PTPN13: variants seen among roughly 807,000 people sequenced by gnomAD.
The protein encoded by PTPN13 is tyrosine-protein phosphatase non-receptor type 13.
A neutral mutation model predicts 284.0 loss-of-function variants in PTPN13; 191 were observed. That is an observed-to-expected ratio of 0.67 (90% confidence interval 0.60 to 0.76). The LOEUF is 0.76. Among genes scored for constraint, PTPN13 ranks in the 30% least tolerant of loss-of-function variants. The probability of loss-of-function intolerance (pLI) is 0.00; values close to 1 mark genes in which losing one functional copy is unlikely to be tolerated. For missense variants in PTPN13, 2,797 were observed against 2,939.9 expected (o/e 0.95, Z 1.12); for synonymous variants, 986 against 1,022.3 (o/e 0.96, Z 0.68).
intron 36 of PTPN13, among the ~76,000 whole-genome samples, chr4:86,781,241 T>G (rs1741264558): frequency 6.6e-6 from 1 of 152,192 alleles, no homozygotes; most frequent in African/African-American, 2.4e-5. Context: ...GGTTCTTAAA[T>G]GTATTTACCT....
At chr4:86,658,954 C>G (rs944858546) in intron 2 of PTPN13, among the ~76,000 whole-genome samples, 2 of 152,130 alleles carry the variant, frequency 1.3e-5, no homozygotes, top group Non-Finnish European at 2.9e-5. Context: ...GCAGACTGAA[C>G]AGTAAAAATA....
chr4:86,612,223 A>G (rs1057032701), intron 1 of PTPN13, among the ~76,000 whole-genome samples: 1 of 152,238 alleles, frequency 6.6e-6, no homozygotes, highest in African/African-American at 2.4e-5. Context: ...GATATATAGC[A>G]TCCGGTAATT....
At chr4:86,603,702 T>C (rs1457392619) in intron 1 of PTPN13, among the ~76,000 whole-genome samples, 1 of 152,108 alleles carries the variant, frequency 6.6e-6, no homozygotes, top group African/African-American at 2.4e-5. Context: ...CATTATATGT[T>C]TTACATGTCA....
At chr4:86,806,413 A>G (rs908484000) in intron 44 of PTPN13, among the ~76,000 whole-genome samples, 1 of 152,236 alleles carries the variant, frequency 6.6e-6, no homozygotes, top group East Asian at 1.9e-4. Context: ...ATCAATAGTG[A>G]CAAGTCACAT....
At chr4:86,758,613 C>A in intron 21 of PTPN13, 65 bp from the exon 22 acceptor site, 4 of 1,331,180 alleles carry the variant, frequency 3.0e-6, no homozygotes, top group South Asian at 2.4e-5. Context: ...GTGTTTCAGG[C>A]AGGCTAATCA....
intron 40 of PTPN13, among the ~76,000 whole-genome samples, chr4:86,791,893 T>C (rs1448975534): frequency 6.6e-6 from 1 of 152,082 alleles, no homozygotes; most frequent in East Asian, 1.9e-4. Flanking sequence ...ACCACAAAGA[T>C]GGGGAGAAAC....
intron 3 of PTPN13, among the ~76,000 whole-genome samples, chr4:86,684,413 A>G (rs1729225970): frequency 6.6e-6 from 1 of 152,202 alleles, no homozygotes; most frequent in Admixed American, 6.5e-5. Context: ...AGGTTGTGAT[A>G]AGGGAAGGAG....
intron 7 of PTPN13, among the ~76,000 whole-genome samples, chr4:86,716,073 T>G (rs1014065365): frequency 6.6e-6 from 1 of 152,222 alleles, no homozygotes; most frequent in African/African-American, 2.4e-5. Flanking sequence ...TGTTGTGTCT[T>G]TAGATTGTCT....
At chr4:86,722,119 T>C in intron 9 of PTPN13, 93 bp from the exon 10 acceptor site, 1 of 1,040,140 alleles carries the variant, frequency 9.6e-7, no homozygotes, top group Non-Finnish European at 1.4e-6. Context: ...TTGTTTAAAC[T>C]CTTGCAACCT....
At chr4:86,652,869 A>G (rs1045652584) in intron 2 of PTPN13, among the ~76,000 whole-genome samples, 1 of 151,744 alleles carries the variant, frequency 6.6e-6, no homozygotes, top group African/African-American at 2.4e-5. Flanking sequence ...TTTAAGGCCA[A>G]TAATTCTTAG....
chr4:86,726,241 G>A, intron 10 of PTPN13, among the ~76,000 whole-genome samples: 1 of 149,740 alleles, frequency 6.7e-6, no homozygotes, highest in African/African-American at 2.4e-5. Context: ...ATAGTTTGAA[G>A]TCAGGTAGCA....
chr4:86,686,820 A>G (rs373095647), intron 4 of PTPN13, 45 bp downstream of exon 4: 25 of 1,289,174 alleles, frequency 1.9e-5, no homozygotes, highest in Non-Finnish European at 2.7e-5. Context: ...CATATGTTCA[A>G]TTTTACACCT....
intron 1 of PTPN13, among the ~76,000 whole-genome samples, chr4:86,619,343 T>G (rs1720955106): frequency 6.6e-6 from 1 of 152,234 alleles, no homozygotes; most frequent in African/African-American, 2.4e-5. Flanking sequence ...TACAACAATT[T>G]CAACTTAATA....
intron 2 of PTPN13, among the ~76,000 whole-genome samples, chr4:86,653,321 C>T (rs1022741524): frequency 6.6e-6 from 1 of 152,034 alleles, no homozygotes; most frequent in Admixed American, 6.6e-5. Context: ...GATGTCTGGG[C>T]ATTGAAGAGT....
At chr4:86,740,917 A>AAAAAAG (rs528296613) in intron 15 of PTPN13, among the ~76,000 whole-genome samples, 7 of 152,132 alleles carry the variant, frequency 4.6e-5, no homozygotes, top group East Asian at 1.9e-4. Context: ...CTTTGCAAAA[A>AAAAAAG]AAAAAGAAAA....
In PTPN13 at chr4:86,722,453, T is replaced by A; in HGVS notation, c.1608+19T>A. 1 of 1,589,282 alleles carries A rather than the reference T, an allele frequency of 6.3e-7. No homozygotes were observed. Among genetic ancestry groups the A allele is most frequent in the African/African-American group, 1.3e-5 (1 of 74,434 alleles). On this transcript the variant is annotated intron_variant, in intron 10 of 47. Coordinates refer to ENST00000411767, the MANE Select transcript of PTPN13 (RefSeq NM_080683.3). ...ACTGAGGGTAAGTTGATTCTCAGGT[T>A]ACTACACATCTAAACCTGCTCTCAC...
chr4:86,639,684 T>TG (rs1302711701), intron 2 of PTPN13, among the ~76,000 whole-genome samples: 1 of 87,542 alleles, frequency 1.1e-5, no homozygotes, highest in African/African-American at 4.6e-5. Context: ...TGTTGTGGGG[T>TG]GGGGGGAAGG....
intron 1 of PTPN13, among the ~76,000 whole-genome samples, chr4:86,632,217 A>G (rs1247617488): frequency 2.0e-5 from 3 of 152,136 alleles, no homozygotes; most frequent in Admixed American, 6.6e-5. Flanking sequence ...ATTCAGAGCT[A>G]AAACTTTTCC....
At chr4:86,682,117 C>A (rs1316333228) in intron 3 of PTPN13, among the ~76,000 whole-genome samples, 1 of 152,046 alleles carries the variant, frequency 6.6e-6, no homozygotes, top group African/African-American at 2.4e-5. Flanking sequence ...TATCACACTC[C>A]CTAGTTTAGT....
Sources: gnomAD v4.1 joint callset for allele counts (sites outside exome capture counted in the v4.1 genomes callset) on GRCh38, gnomAD v4.1.1 for gene constraint, MANE v1.5 for transcripts, NCBI Gene and HGNC (gene_info 2026-07-23, HGNC 2026-07-21) for gene names.